USP43: variants seen among roughly 807,000 people sequenced by gnomAD.
USP43 encodes the protein ubiquitin specific peptidase 43.
USP43 carries 33 observed loss-of-function variants against 90.7 expected under a neutral mutation model. That is an observed-to-expected ratio of 0.36 (90% CI 0.28 to 0.49). The LOEUF (loss-of-function observed/expected upper bound fraction) is 0.49. Among genes scored for constraint, USP43 ranks in the 20% least tolerant of loss-of-function variants. The pLI is 0.98. For synonymous variants in USP43, 598 were observed against 615.8 expected, an observed-to-expected ratio of 0.97 and a Z score of 0.43; for missense variants, 1,274 against 1,476.4, an observed-to-expected ratio of 0.86 and a Z score of 2.25.
Position 9,674,797 on chromosome 17 carries a change from G to T in USP43, c.741-94G>T. On this transcript the variant is annotated intron_variant, in intron 3 of 14. Coordinates refer to ENST00000285199, the MANE Select transcript of USP43 (RefSeq NM_153210.5). This position sits in a 1 kb window ranked among gnomAD's most constrained non-coding sequence, Gnocchi z 4.4. ...GTATGTACCTACGAGTGGAATCACA[G>T]GGAGTGGAAATGCAAGGATAATTCT... 1 of 1,011,608 alleles carries T rather than the reference G, an allele frequency of 9.9e-7. No individual in the cohort carries two copies. The highest frequency in any genetic ancestry group is 1.6e-6 in the Non-Finnish European group (1 of 642,742). The allele number at this position is 1,011,608 out of a possible 1,614,324, so 62.7% of individuals were successfully genotyped here.
At position 9,686,718 on chromosome 17, in the gene USP43, G is replaced by A; in HGVS notation, c.1242-80G>A. ...ACTTATCCTATTGACAGGAAGCCAG[G>A]GTTAGAACAACCACTCATGACTGGT... is the stretch of plus-strand genomic sequence containing the variant. On this transcript the variant is annotated intron_variant, in intron 7 of 14. Transcript: ENST00000285199. This position sits in a 1 kb window ranked among gnomAD's most constrained non-coding sequence, Gnocchi z 5.5. 2 of 1,264,554 alleles carry A rather than the reference G, an allele frequency of 1.6e-6. No homozygotes were observed. The highest frequency in any genetic ancestry group is 1.1e-6 in the Non-Finnish European group (1 of 887,860). The allele number at this position is 1,264,554 out of a possible 1,614,324, so 78.3% of individuals were successfully genotyped here.
chr17:9,712,856 A>G (rs1450667272), intron 14 of USP43, among the ~76,000 whole-genome samples: 7 of 152,204 alleles, frequency 4.6e-5, no homozygotes, highest in African/African-American at 1.4e-4. Flanking sequence ...AAATTGACAC[A>G]TAATAATTGT....
intron 8 of USP43, among the ~76,000 whole-genome samples, chr17:9,687,204 C>T (rs960165213): frequency 3.9e-5 from 6 of 152,006 alleles, no homozygotes; most frequent in African/African-American, 7.2e-5. Flanking sequence ...TACATTAAAA[C>T]GAAATTTTTT....
intron 6 of USP43, among the ~76,000 whole-genome samples, chr17:9,681,190 T>C (rs1914186719): frequency 9.7e-6 from 1 of 102,966 alleles, no homozygotes; most frequent in Non-Finnish European, 1.7e-5. Context: ...ATATACTATA[T>C]AATATATACT....
At chr17:9,663,562 T>G (rs1912797776) in intron 2 of USP43, among the ~76,000 whole-genome samples, 1 of 151,874 alleles carries the variant, frequency 6.6e-6, no homozygotes, top group South Asian at 2.1e-4. Context: ...CCTCCCGAAG[T>G]GCTGGAATTA....
chr17:9,714,770 A>G (rs921155097), intron 14 of USP43, among the ~76,000 whole-genome samples: 8 of 152,080 alleles, frequency 5.3e-5, no homozygotes, highest in Non-Finnish European at 8.8e-5. Context: ...AGAGGCCAAG[A>G]AAAGAACGGA....
intron 9 of USP43, among the ~76,000 whole-genome samples, chr17:9,697,365 G>A (rs1915333316): frequency 6.6e-6 from 1 of 150,956 alleles, no homozygotes; most frequent in African/African-American, 2.4e-5. Context: ...TCATGGGTAC[G>A]AGTGCAGGTT....
At position 9,645,582 on chromosome 17, in the gene USP43, G is replaced by C; in HGVS notation, c.-51G>C. 15 of 1,172,502 alleles carry C rather than the reference G, an allele frequency of 1.3e-5. No homozygotes were observed. Among genetic ancestry groups the C allele is most frequent in the Non-Finnish European group, 1.6e-5 (15 of 950,536 alleles). 72.6% of individuals were successfully genotyped at this position (1,172,502 alleles called of 1,614,324 possible). ...AAGCTGTAGGGCCTGCTGGCCGCTC[G>C]TCCGCCTCGCGCCCGGGGGCTCCGC... On this transcript the variant is annotated 5_prime_UTR_variant, in exon 1 of 15. Coordinates refer to ENST00000285199, the MANE Select transcript of USP43 (RefSeq NM_153210.5). The surrounding 1 kb of genome is among the most constrained non-coding windows in gnomAD (Gnocchi z 6.8).
intron 1 of USP43, among the ~76,000 whole-genome samples, chr17:9,652,220 A>C (rs2151961575): frequency 1.3e-5 from 2 of 151,334 alleles, no homozygotes; most frequent in Middle Eastern, 3.4e-3. Context: ...CGCAAAAAAA[A>C]AAAAAAAAAG....
At chr17:9,659,670 T>C (rs1024065763) in intron 2 of USP43, among the ~76,000 whole-genome samples, 5 of 152,190 alleles carry the variant, frequency 3.3e-5, no homozygotes, top group African/African-American at 1.2e-4. Context: ...CTTTCCATTT[T>C]CCTTTTCTAT....
At chr17:9,696,707 C>T (rs1179120890) in intron 9 of USP43, among the ~76,000 whole-genome samples, 22 of 152,342 alleles carry the variant, frequency 1.4e-4, no homozygotes, top group South Asian at 4.1e-4. Context: ...TTCTAATCTA[C>T]GTGTTATAAA....
chr17:9,648,374 A>G (rs972038413), intron 1 of USP43, among the ~76,000 whole-genome samples: 1 of 152,252 alleles, frequency 6.6e-6, no homozygotes, highest in African/African-American at 2.4e-5. Flanking sequence ...CTAGGAATGC[A>G]TGGAATGCAT....
At chr17:9,725,952 C>G (rs142783215) in intron 14 of USP43, among the ~76,000 whole-genome samples, 66 of 152,250 alleles carry the variant, frequency 4.3e-4, no homozygotes, top group African/African-American at 1.3e-3. Flanking sequence ...TTCCCCACCC[C>G]CCGAGGGCTG....
At chr17:9,700,023 C>T (rs187971168) in intron 9 of USP43, 149 bp from the exon 10 acceptor site, 21 of 720,822 alleles carry the variant, frequency 2.9e-5, no homozygotes, top group Admixed American at 1.7e-4. Context: ...TAGCAGCCTC[C>T]GAGGATAGCT....
chr17:9,667,341 G>A (rs1421794378), intron 3 of USP43, among the ~76,000 whole-genome samples: 1 of 151,784 alleles, frequency 6.6e-6, no homozygotes, highest in East Asian at 1.9e-4. Context: ...ACAGTGAGCC[G>A]TGATCGCACC....
intron 1 of USP43, among the ~76,000 whole-genome samples, chr17:9,651,111 G>A (rs1567644639): frequency 6.6e-6 from 1 of 152,092 alleles, no homozygotes; most frequent in Non-Finnish European, 1.5e-5. Flanking sequence ...TAGGAGCGAG[G>A]TGGACGATTT....
At chr17:9,670,545 A>C (rs1049670713) in intron 3 of USP43, among the ~76,000 whole-genome samples, 3 of 152,042 alleles carry the variant, frequency 2.0e-5, no homozygotes, top group African/African-American at 7.2e-5. Flanking sequence ...CACAACCCTC[A>C]CCCCAGTCTT....
At chr17:9,716,636 A>G (rs769604379) in intron 14 of USP43, among the ~76,000 whole-genome samples, 5 of 152,138 alleles carry the variant, frequency 3.3e-5, no homozygotes, top group Non-Finnish European at 7.3e-5. Context: ...AGGTTCATTC[A>G]TGGGCTGGAA....
Position 9,674,480 on chromosome 17 carries a change from A to G in USP43, c.741-411A>G, listed in dbSNP as rs538894168. Among the ~76,000 whole-genome samples the G allele has an allele frequency of 6.6e-6, 1 of 152,186 alleles. No individual in the cohort carries two copies. Among genetic ancestry groups the G allele is most frequent in the African/African-American group, 2.4e-5 (1 of 41,524 alleles). On this transcript the variant is annotated intron_variant, in intron 3 of 14. Transcript: ENST00000285199. The surrounding 1 kb of genome is among the most constrained non-coding windows in gnomAD (Gnocchi z 4.4). ...CCAATTTGCTTTCTGTGTCTATGGC[A>G]TTACCTGTTCTGGATACTTCATATA...
Sources: gnomAD v4.1 joint callset for allele counts (sites outside exome capture counted in the v4.1 genomes callset) on GRCh38, gnomAD v4.1.1 for gene constraint, Gnocchi (gnomAD v3.1) non-coding constraint, MANE v1.5 for transcripts, NCBI Gene and HGNC (gene_info 2026-07-23, HGNC 2026-07-21) for gene names.